Variants in GRIA2 observed in about 807,000 individuals in gnomAD.
GRIA2 encodes glutamate ionotropic receptor AMPA type subunit 2.
GRIA2 carries 14 observed loss-of-function variants against 97.3 expected under a neutral mutation model. The ratio of observed to expected loss-of-function variants is 0.14; its 90% CI spans 0.10 to 0.23. The LOEUF (loss-of-function observed/expected upper bound fraction) is 0.23. Among genes scored for constraint, GRIA2 ranks in the 10% least tolerant of loss-of-function variants. The pLI is 1.00. For synonymous variants in GRIA2, 412 were observed against 387.8 expected, an observed-to-expected ratio of 1.06 and a Z score of -0.73; for missense variants, 558 against 1,069.8, an observed-to-expected ratio of 0.52 and a Z score of 6.67.
chr4:157,301,139 T>G (rs546993275), intron 2 of GRIA2, among the ~76,000 whole-genome samples: 2 of 152,312 alleles, frequency 1.3e-5, no homozygotes, highest in South Asian at 4.1e-4. Flanking sequence ...TTATAGCAAG[T>G]CTTTCTTTTA....
intron 2 of GRIA2, among the ~76,000 whole-genome samples, chr4:157,231,741 A>C (rs901676503): frequency 7.9e-5 from 12 of 152,184 alleles, no homozygotes; most frequent in Admixed American, 1.3e-4. Context: ...GGCTCATCTT[A>C]GTAGAACAGA....
intron 2 of GRIA2, among the ~76,000 whole-genome samples, chr4:157,301,501 A>C (rs999812113): frequency 6.6e-6 from 1 of 152,178 alleles, no homozygotes; most frequent in Non-Finnish European, 1.5e-5. Context: ...GTAAATTTAC[A>C]TATTACACAG....
intron 2 of GRIA2, among the ~76,000 whole-genome samples, chr4:157,243,698 TAAAGA>T (rs1423378707): frequency 6.6e-6 from 1 of 151,968 alleles, no homozygotes; most frequent in Non-Finnish European, 1.5e-5. Context: ...CTAACAAACA[TAAAGA>T]AAAGAAAAGT....
At chr4:157,303,875 A>G in intron 3 of GRIA2, 84 bp downstream of exon 3, 2 of 1,382,172 alleles carry the variant, frequency 1.4e-6, no homozygotes, top group Admixed American at 1.8e-5. Flanking sequence ...TAAAGCTACA[A>G]AGGTGTGATA....
At chr4:157,283,105 T>C (rs918999123) in intron 2 of GRIA2, among the ~76,000 whole-genome samples, 1 of 152,080 alleles carries the variant, frequency 6.6e-6, no homozygotes, top group Admixed American at 6.6e-5. Context: ...TTCTAAACTT[T>C]CCTATTATAT....
intron 2 of GRIA2, among the ~76,000 whole-genome samples, chr4:157,247,902 A>G (rs1368166643): frequency 6.6e-6 from 1 of 151,994 alleles, no homozygotes; most frequent in Non-Finnish European, 1.5e-5. Context: ...CTTAAGGTTT[A>G]ACTCTGGATT....
At chr4:157,255,093 A>T (rs1731182062) in intron 2 of GRIA2, among the ~76,000 whole-genome samples, 1 of 151,930 alleles carries the variant, frequency 6.6e-6, no homozygotes, top group Non-Finnish European at 1.5e-5. Flanking sequence ...CCTCTTACCC[A>T]GTCTCCCCGT....
At chr4:157,281,370 G>C (rs886321196) in intron 2 of GRIA2, among the ~76,000 whole-genome samples, 1 of 151,962 alleles carries the variant, frequency 6.6e-6, no homozygotes, top group Non-Finnish European at 1.5e-5. Context: ...GTAAGAGCTG[G>C]TCCATATTTT....
intron 12 of GRIA2, among the ~76,000 whole-genome samples, chr4:157,349,456 G>A (rs551786871): frequency 1.4e-4 from 9 of 64,874 alleles, no homozygotes; most frequent in African/African-American, 4.5e-4. Flanking sequence ...TCCTTCCCCC[G>A]CTTCCTCCCC....
chr4:157,346,020 C>T (rs181252959), intron 12 of GRIA2, among the ~76,000 whole-genome samples: 209 of 152,200 alleles, frequency 1.4e-3, no homozygotes, highest in African/African-American at 4.8e-3. Flanking sequence ...ATTAATGCTG[C>T]TGTTACTTAC....
At chr4:157,318,055 T>C (rs1734403570) in intron 5 of GRIA2, among the ~76,000 whole-genome samples, 1 of 152,158 alleles carries the variant, frequency 6.6e-6, no homozygotes, top group Non-Finnish European at 1.5e-5. Flanking sequence ...TAGAATTGCT[T>C]CCCACTTTGC....
chr4:157,326,805 A>C (rs537038807), intron 6 of GRIA2, among the ~76,000 whole-genome samples: 2 of 152,276 alleles, frequency 1.3e-5, no homozygotes, highest in African/African-American at 4.8e-5. Flanking sequence ...CCTTGTTGAC[A>C]TATTAAGGAT....
intron 2 of GRIA2, chr4:157,249,750 C>CG (rs1730941625): frequency 6.6e-6 from 1 of 152,082 alleles, no homozygotes. Context: ...CCATTGTAGA[C>CG]GCTAAGGATG....
chr4:157,333,231 T>C lies in GRIA2; in HGVS notation c.1051-18T>C. On this transcript the variant is annotated intron_variant, in intron 7 of 15. Coordinates refer to ENST00000264426, the MANE Select transcript of GRIA2 (RefSeq NM_001083619.3). ...GAAGTAAATATATAACTCTGCTGCTTTCCCATTTCTTCATTAGGTTCAGGT... is the reference window on the plus strand; with the variant it reads ...GAAGTAAATATATAACTCTGCTGCTCTCCCATTTCTTCATTAGGTTCAGGT... The C allele has an allele frequency of 8.7e-6, 12 of 1,384,204 alleles. No homozygotes were observed. The highest frequency in any genetic ancestry group is 1.1e-5 in the Non-Finnish European group (11 of 985,028). 85.7% of individuals were successfully genotyped at this position (1,384,204 alleles called of 1,614,324 possible).
chr4:157,317,998 A>G (rs1020559136), intron 5 of GRIA2, among the ~76,000 whole-genome samples: 6 of 152,092 alleles, frequency 3.9e-5, no homozygotes, highest in Non-Finnish European at 8.8e-5. Flanking sequence ...TAATAAATAT[A>G]GCTTGATTAT....
At chr4:157,256,239 T>TTAC (rs1561013268) in intron 2 of GRIA2, among the ~76,000 whole-genome samples, 14 of 72,006 alleles carry the variant, frequency 1.9e-4, no homozygotes, top group African/African-American at 5.2e-4. Context: ...ATATAATATA[T>TTAC]ATATATAATA....
intron 12 of GRIA2, 60 bp from the exon 13 acceptor site, chr4:157,359,825 CTTTTTGTGTTT>C: frequency 2.2e-6 from 3 of 1,384,096 alleles, no homozygotes; most frequent in Middle Eastern, 1.8e-4. Flanking sequence ...AGTAATACCT[CTTTTTGTGTTT>C]TGTGAGTAAT....
intron 2 of GRIA2, among the ~76,000 whole-genome samples, chr4:157,288,703 T>A (rs376948177): frequency 1.3e-5 from 2 of 151,800 alleles, no homozygotes; most frequent in East Asian, 3.9e-4. Context: ...CAGACAAATA[T>A]CCTCTGTAGT....
chr4:157,277,389 A>G (rs546883882), intron 2 of GRIA2, among the ~76,000 whole-genome samples: 38 of 152,030 alleles, frequency 2.5e-4, no homozygotes, highest in African/African-American at 7.9e-4. Context: ...TCCTCAGTGG[A>G]TAAAGAATGT....
Sources: allele counts gnomAD v4.1 joint callset (sites outside exome capture counted in the v4.1 genomes callset), GRCh38; gene constraint gnomAD v4.1.1; transcripts MANE v1.5; gene names NCBI Gene and HGNC (gene_info 2026-07-23, HGNC 2026-07-21).